Variants in IL23R observed in about 807,000 individuals in gnomAD.
IL23R encodes interleukin 23 receptor.
IL23R carries 34 observed loss-of-function variants against 56.9 expected under a neutral mutation model. The ratio of observed to expected loss-of-function variants is 0.60; its 90% CI spans 0.45 to 0.80. The LOEUF (loss-of-function observed/expected upper bound fraction) is 0.80, where lower values mean the gene tolerates loss of function less well. Ranked by LOEUF, IL23R falls within the 30% of genes least tolerant of loss-of-function variation. The pLI is 0.00. For missense variants in IL23R, 635 were observed against 730.0 expected (o/e 0.87, Z 1.50); for synonymous variants, 230 against 249.2 (o/e 0.92, Z 0.73).
chr1:67,182,724 C>A, intron 3 of IL23R, 112 bp from the exon 4 acceptor site: 2 of 1,098,274 alleles, frequency 1.8e-6, no homozygotes, highest in East Asian at 2.4e-5. Flanking sequence ...TCTTCTGCAT[C>A]ATTCACGCTG....
chr1:67,155,115 G>GC (rs1646760417), intron 1 of IL23R, among the ~76,000 whole-genome samples: 1 of 152,108 alleles, frequency 6.6e-6, no homozygotes, highest in South Asian at 2.1e-4. Flanking sequence ...TTGAATACTG[G>GC]CCCCCACTCT....
intron 1 of IL23R, among the ~76,000 whole-genome samples, chr1:67,149,434 T>G (rs550219197): frequency 1.3e-5 from 2 of 152,260 alleles, no homozygotes; most frequent in South Asian, 2.1e-4. Flanking sequence ...CTGTCTCCGC[T>G]TCTCCTTGGC....
At chr1:67,210,399 C>G (rs1649372088) in intron 6 of IL23R, among the ~76,000 whole-genome samples, 1 of 151,970 alleles carries the variant, frequency 6.6e-6, no homozygotes. Flanking sequence ...GCGTAACAAA[C>G]TGCCATTTAG....
At chr1:67,214,792 A>G (rs1649722987) in intron 6 of IL23R, among the ~76,000 whole-genome samples, 4 of 152,226 alleles carry the variant, frequency 2.6e-5, no homozygotes. Context: ...TTTTATACTC[A>G]GTACCTGTTT....
chr1:67,192,522 A>T (rs963858933), intron 4 of IL23R, among the ~76,000 whole-genome samples: 14 of 152,196 alleles, frequency 9.2e-5, no homozygotes, highest in Non-Finnish European at 1.5e-5. Flanking sequence ...TCCTCAATGT[A>T]TATCTGTGTC....
chr1:67,214,624 A>G (rs1363755035), intron 6 of IL23R, among the ~76,000 whole-genome samples: 1 of 152,240 alleles, frequency 6.6e-6, no homozygotes, highest in African/African-American at 2.4e-5. Context: ...CTGAAAACTT[A>G]TTCAGAGACA....
intron 1 of IL23R, among the ~76,000 whole-genome samples, chr1:67,148,170 C>G (rs1646696555): frequency 6.6e-6 from 1 of 152,390 alleles, no homozygotes; most frequent in African/African-American, 2.4e-5. Context: ...GGGTCAGAAA[C>G]GCAGTGTACA....
At chr1:67,154,616 T>A (rs1453944245) in intron 1 of IL23R, among the ~76,000 whole-genome samples, 5 of 152,120 alleles carry the variant, frequency 3.3e-5, no homozygotes, top group Non-Finnish European at 7.4e-5. Context: ...TTATTTATTT[T>A]TTATTTTTTT....
chr1:67,231,595 A>G (rs1651102936), intron 7 of IL23R, among the ~76,000 whole-genome samples: 1 of 152,184 alleles, frequency 6.6e-6, no homozygotes, highest in Non-Finnish European at 1.5e-5. Flanking sequence ...TGGTGTTTGA[A>G]ACCACCTAGC....
chr1:67,168,405 C>T (rs905678140), intron 2 of IL23R, among the ~76,000 whole-genome samples: 4 of 152,172 alleles, frequency 2.6e-5, no homozygotes, highest in African/African-American at 4.8e-5. Flanking sequence ...TTCTAGACAG[C>T]CCTCTTACTC....
intron 9 of IL23R, among the ~76,000 whole-genome samples, chr1:67,242,861 C>A (rs184448920): frequency 7.2e-5 from 11 of 152,216 alleles, no homozygotes; most frequent in African/African-American, 2.6e-4. Context: ...AGAAAACATG[C>A]ATTGAAAGTG....
intron 7 of IL23R, 79 bp downstream of exon 7, chr1:67,219,809 T>A: frequency 7.2e-7 from 1 of 1,380,714 alleles, no homozygotes; most frequent in Non-Finnish European, 1.0e-6. Context: ...CTCACACCTA[T>A]AATTCCAGCA....
chr1:67,160,145 G>A (rs1273122762), intron 1 of IL23R, among the ~76,000 whole-genome samples: 3 of 152,036 alleles, frequency 2.0e-5, no homozygotes, highest in Non-Finnish European at 2.9e-5. Flanking sequence ...GAGCCACCGC[G>A]CCCAGCCTGG....
At chr1:67,194,233 T>C (rs1261262227) in intron 4 of IL23R, among the ~76,000 whole-genome samples, 17 of 151,964 alleles carry the variant, frequency 1.1e-4, no homozygotes, top group Admixed American at 9.2e-4. Context: ...TCATTGGCCA[T>C]TGGGGATCAT....
Position 67,258,620 on chromosome 1 carries a change from G to C in IL23R, c.1382G>C (p.Arg461Thr). Residue 461 changes from arginine to threonine, a missense_variant, in exon 11 of 11, where the codon AGA (arginine) becomes ACA (threonine). Transcript: ENST00000347310. ...GAGAATACAGGACCCCTGGAGACAA[G>C]AGACTACCCGCAAAACTCGCTATTC... ...KKENTGPLET[R>T]DYPQNSLFDN... 2 of 1,613,848 alleles carry C rather than the reference G, an allele frequency of 1.2e-6. No homozygotes were observed. The highest frequency in any genetic ancestry group is 1.7e-6 in the Non-Finnish European group (2 of 1,179,928).
chr1:67,221,654 G>A (rs1558250956), intron 7 of IL23R, among the ~76,000 whole-genome samples: 1 of 152,060 alleles, frequency 6.6e-6, no homozygotes, highest in Non-Finnish European at 1.5e-5. Flanking sequence ...CCTACTGTAG[G>A]TACCTTATAC....
chr1:67,247,038 G>A (rs1050707951), intron 9 of IL23R, among the ~76,000 whole-genome samples: 5 of 152,004 alleles, frequency 3.3e-5, no homozygotes, highest in African/African-American at 1.2e-4. Context: ...AGCTCTTCTT[G>A]TTGCATTTAT....
At chr1:67,245,629 T>A (rs1558263110) in intron 9 of IL23R, among the ~76,000 whole-genome samples, 1 of 152,222 alleles carries the variant, frequency 6.6e-6, no homozygotes, top group Non-Finnish European at 1.5e-5. Flanking sequence ...TTGCCTATGT[T>A]GAACCAGCCT....
chr1:67,154,514 C>T (rs1315376879), intron 1 of IL23R, among the ~76,000 whole-genome samples: 2 of 151,932 alleles, frequency 1.3e-5, no homozygotes, highest in Non-Finnish European at 2.9e-5. Context: ...TTATGTAATG[C>T]CCTTCTCTGT....
Sources: gnomAD v4.1 joint callset for allele counts (sites outside exome capture counted in the v4.1 genomes callset) on GRCh38, gnomAD v4.1.1 for gene constraint, MANE v1.5 for transcripts, NCBI Gene and HGNC (gene_info 2026-07-23, HGNC 2026-07-21) for gene names.